TMC2: variants seen among roughly 807,000 people sequenced by gnomAD.
TMC2 encodes the protein transmembrane channel-like protein 2.
Under a neutral mutation model 105.9 loss-of-function variants are expected in TMC2, and 102 were observed. That is an observed-to-expected ratio of 0.96 (90% CI 0.82 to 1.14). TMC2 has a LOEUF of 1.14. TMC2 is among the 50% of genes most tolerant of loss of function. TMC2 has a pLI of 0.00. For missense variants in TMC2, 1,093 were observed against 1,134.3 expected (o/e 0.96, Z 0.52); for synonymous variants, 402 against 422.8 (o/e 0.95, Z 0.60).
intron 16 of TMC2, 149 bp from the exon 17 acceptor site, chr20:2,624,122 C>G (rs1568528856): frequency 1.2e-6 from 1 of 864,662 alleles, no homozygotes; most frequent in East Asian, 2.8e-5. Flanking sequence ...GAATTTTTTA[C>G]TTGCAGTTCA....
intron 17 of TMC2, among the ~76,000 whole-genome samples, 180 bp from the exon 18 acceptor site, chr20:2,635,746 T>TA (rs1177501854): frequency 1.3e-5 from 2 of 152,194 alleles, no homozygotes; most frequent in African/African-American, 4.8e-5. Context: ...CATAATAAAA[T>TA]AGAGAGGATG....
At chr20:2,566,036 T>C (rs1294645393) in intron 4 of TMC2, among the ~76,000 whole-genome samples, 1 of 152,016 alleles carries the variant, frequency 6.6e-6, no homozygotes, top group Non-Finnish European at 1.5e-5. Flanking sequence ...AGACTCTGTC[T>C]CCAAAAAACA....
chr20:2,577,726 C>T (rs1053745265), intron 5 of TMC2, among the ~76,000 whole-genome samples: 3 of 151,620 alleles, frequency 2.0e-5, no homozygotes, highest in Non-Finnish European at 4.4e-5. Flanking sequence ...CAGCCTGGGC[C>T]GCATGGTGAG....
chr20:2,604,252 A>G (rs953175982), intron 11 of TMC2, among the ~76,000 whole-genome samples: 2 of 152,248 alleles, frequency 1.3e-5, no homozygotes, highest in East Asian at 1.9e-4. Context: ...TGATCCTCCC[A>G]GATGGGTCTG....
chr20:2,540,639 C>T (rs182416193), intron 2 of TMC2, among the ~76,000 whole-genome samples: 347 of 122,282 alleles, frequency 2.8e-3, no homozygotes, highest in Middle Eastern at 0.026. Flanking sequence ...CCAGCCTGGG[C>T]GGCAGAGAGG....
At chr20:2,588,094 T>C (rs1233262136) in intron 7 of TMC2, among the ~76,000 whole-genome samples, 1 of 150,884 alleles carries the variant, frequency 6.6e-6, no homozygotes, top group African/African-American at 2.4e-5. Context: ...TTTAATCACA[T>C]GAGCTCTTTA....
intron 17 of TMC2, 110 bp downstream of exon 17, chr20:2,624,506 G>A: frequency 7.8e-7 from 1 of 1,277,654 alleles, no homozygotes; most frequent in Non-Finnish European, 1.1e-6. Context: ...CTCCCCAGAA[G>A]CAGAATCCAT....
intron 16 of TMC2, among the ~76,000 whole-genome samples, chr20:2,620,187 G>A (rs73572287): frequency 0.023 from 3,528 of 152,288 alleles, 133 homozygotes; most frequent in African/African-American, 0.078. Flanking sequence ...TCTTCATGCT[G>A]CTTATAGAAA....
rs1029138234 is a variant in TMC2 at position 2,592,001 on chromosome 20, A to T, written c.835-309A>T. On this transcript the variant is annotated intron_variant, in intron 7 of 19. Coordinates refer to ENST00000358864, the MANE Select transcript of TMC2 (RefSeq NM_080751.3). This position sits in a 1 kb window ranked among gnomAD's most constrained non-coding sequence, Gnocchi z 4.9. ...AAATCCTGTCTCTACTAAAAATACA[A>T]AACAGCCAGGCATGTTGGCAGGCAC... Among the ~76,000 whole-genome samples, 1 of 152,094 alleles carries T rather than the reference A, an allele frequency of 6.6e-6. No individual in the cohort carries two copies. The highest frequency in any genetic ancestry group is 1.5e-5 in the Non-Finnish European group (1 of 68,020).
Position 2,592,188 on chromosome 20 carries a change from A to C in TMC2, c.835-122A>C, listed in dbSNP as rs2086273643. On this transcript the variant is annotated intron_variant, in intron 7 of 19. Transcript: ENST00000358864. The surrounding 1 kb of genome is among the most constrained non-coding windows in gnomAD (Gnocchi z 4.9). ...AAATGAATTAAATTAATAAATACATAAAGAAAGAAGAAAATAGGTGTATTC... is the reference window on the plus strand; with the variant it reads ...AAATGAATTAAATTAATAAATACATCAAGAAAGAAGAAAATAGGTGTATTC... 3.3e-6 allele frequency: 2 copies of C among 600,814 alleles called. No individual in the cohort carries two copies. Among genetic ancestry groups the C allele is most frequent in the Non-Finnish European group, 5.9e-6 (2 of 339,040 alleles). 37.2% of individuals were successfully genotyped at this position (600,814 alleles called of 1,614,324 possible). A position where few individuals can be genotyped will look rare whatever the true frequency, so the allele number is the denominator to read the frequency against.
chr20:2,602,165 C>G lies in TMC2; in HGVS notation c.1277C>G (p.Thr426Arg), dbSNP rs2086356166. ...AACAAAGAAGAAAATATCCATCTGA[C>G]AAGATTTCTTCGTGTCCTGGCCAAC... ...ESNKEENIHL[T>R]RFLRVLANFL... The change falls in exon 11 of 20, where the codon ACA becomes AGA. Residue 426 changes from threonine to arginine, a missense_variant. Physicochemically the swap from Thr to Arg is moderately conservative, Grantham distance 71 (BLOSUM62 -1). Coordinates refer to ENST00000358864, the MANE Select transcript of TMC2 (RefSeq NM_080751.3). 6.2e-7 allele frequency: 1 copy of G among 1,613,068 alleles called. No individual in the cohort carries two copies. The highest frequency in any genetic ancestry group is 8.5e-7 in the Non-Finnish European group (1 of 1,179,610).
At chr20:2,591,925 G>A (rs1600117195) in intron 7 of TMC2, among the ~76,000 whole-genome samples, 1 of 152,256 alleles carries the variant, frequency 6.6e-6, no homozygotes, top group Middle Eastern at 3.4e-3. Flanking sequence ...AGGCCAAGGT[G>A]GGTGGATCAC....
intron 2 of TMC2, among the ~76,000 whole-genome samples, chr20:2,538,616 C>A (rs2085867849): frequency 6.6e-6 from 1 of 152,194 alleles, no homozygotes; most frequent in African/African-American, 2.4e-5. Context: ...TGCGGGACTC[C>A]CCTGTGAGCA....
intron 19 of TMC2, among the ~76,000 whole-genome samples, chr20:2,638,769 A>C (rs1201788785): frequency 6.6e-6 from 1 of 152,270 alleles, no homozygotes; most frequent in Non-Finnish European, 1.5e-5. Context: ...AAGCTTATCA[A>C]ATAAGGATAT....
Position 2,616,297 on chromosome 20 carries a change from A to G in TMC2, c.1940+93A>G, listed in dbSNP as rs998633734. On this transcript the variant is annotated intron_variant, in intron 15 of 19. Transcript: ENST00000358864. This position sits in a 1 kb window ranked among gnomAD's most constrained non-coding sequence, Gnocchi z 4.8. ...GCAACTTAACTAGTTGGAAGAGGCT[A>G]GATAAGTCCTCTTGCCTCTCTGAAC... 2.0e-6 allele frequency: 2 copies of G among 1,019,568 alleles called. No individual in the cohort carries two copies. Among genetic ancestry groups the G allele is most frequent in the African/African-American group, 3.2e-5 (2 of 63,162 alleles). 63.2% of individuals were successfully genotyped at this position (1,019,568 alleles called of 1,614,324 possible). A position where few individuals can be genotyped will look rare whatever the true frequency, so the allele number is the denominator to read the frequency against.
Position 2,643,394 on chromosome 20 carries a change from A to G in TMC2, c.*2043A>G, listed in dbSNP as rs1340506249. Among the ~76,000 whole-genome samples, 1 of 152,194 alleles carries G rather than the reference A, an allele frequency of 6.6e-6. No homozygotes were observed. On this transcript the variant is annotated 3_prime_UTR_variant, in exon 20 of 20. Coordinates refer to ENST00000358864, the MANE Select transcript of TMC2 (RefSeq NM_080751.3). Reference sequence around the variant, plus strand: ...TGCCTGCCTGAGCCATTGGTCCCCTAGTGATTACTGTCAGGCCTCCACTGG... The same window carrying G: ...TGCCTGCCTGAGCCATTGGTCCCCTGGTGATTACTGTCAGGCCTCCACTGG...
chr20:2,558,369 T>C lies in TMC2; in HGVS notation c.83-87T>C. 4 of 1,530,606 alleles carry C rather than the reference T, an allele frequency of 2.6e-6. No individual in the cohort carries two copies. The highest frequency in any genetic ancestry group is 3.5e-6 in the Non-Finnish European group (4 of 1,137,828). 94.8% of individuals were successfully genotyped at this position (1,530,606 alleles called of 1,614,324 possible). On this transcript the variant is annotated intron_variant, in intron 2 of 19. Coordinates refer to ENST00000358864, the MANE Select transcript of TMC2 (RefSeq NM_080751.3). This position sits in a 1 kb window ranked among gnomAD's most constrained non-coding sequence, Gnocchi z 4.6. ...GAGCTCACAAGCTCTCGGAATCATC[T>C]TGGACGTCTGATTTCTCACGGCCGG...
At chr20:2,578,541 A>G (rs915465811) in intron 5 of TMC2, among the ~76,000 whole-genome samples, 2 of 152,178 alleles carry the variant, frequency 1.3e-5, no homozygotes, top group African/African-American at 4.8e-5. Context: ...TCTGTTTGGT[A>G]CATAGTCTGG....
chr20:2,593,374 C>T (rs1351414300), intron 8 of TMC2, among the ~76,000 whole-genome samples: 1 of 152,144 alleles, frequency 6.6e-6, no homozygotes, highest in East Asian at 1.9e-4. Context: ...AGAACCTTGG[C>T]TTTTATTCCA....
Sources: gnomAD v4.1 joint callset for allele counts (sites outside exome capture counted in the v4.1 genomes callset) on GRCh38, gnomAD v4.1.1 for gene constraint, Gnocchi (gnomAD v3.1) non-coding constraint, MANE v1.5 for transcripts, NCBI Gene and HGNC (gene_info 2026-07-23, HGNC 2026-07-21) for gene names.